Variants in MYT1 observed in about 807,000 individuals in gnomAD.
MYT1 encodes the protein myelin transcription factor I.
A neutral mutation model predicts 123.0 loss-of-function variants in MYT1; 23 were observed. The observed-to-expected ratio is 0.19, with a 90% CI of 0.13 to 0.26. MYT1 has a LOEUF of 0.26. Among genes scored for constraint, MYT1 ranks in the 10% least tolerant of loss-of-function variants. The pLI is 1.00. For missense variants in MYT1, 1,125 were observed against 1,472.5 expected (o/e 0.76, Z 3.86); for synonymous variants, 518 against 575.3 (o/e 0.90, Z 1.43).
intron 10 of MYT1, 110 bp from the exon 11 acceptor site, chr20:64,216,957 C>T (rs1271869959): frequency 3.9e-6 from 4 of 1,022,284 alleles, no homozygotes; most frequent in East Asian, 2.4e-5. Context: ...TCTCCTTCCT[C>T]ACCAGACGCT....
intron 1 of MYT1, among the ~76,000 whole-genome samples, chr20:64,170,948 C>G (rs1288351656): frequency 1.5e-5 from 2 of 131,920 alleles, no homozygotes; most frequent in Non-Finnish European, 3.2e-5. Flanking sequence ...GAGTCTTGCT[C>G]TGTTGGCCTG....
chr20:64,203,160 C>T lies in MYT1; in HGVS notation c.87-1875C>T, dbSNP rs755221071. On this transcript the variant is annotated intron_variant, in intron 4 of 22. Coordinates refer to ENST00000328439, the MANE Select transcript of MYT1 (RefSeq NM_004535.3). This position sits in a 1 kb window ranked among gnomAD's most constrained non-coding sequence, Gnocchi z 5.1. ...GTCTCACACCCTCTGAGGCTGGGGC[C>T]GGAAGGTGCAGGCCCACCTTCCTGG... is the stretch of plus-strand genomic sequence containing the variant. Among the ~76,000 whole-genome samples, 1 of 152,160 alleles carries T rather than the reference C, an allele frequency of 6.6e-6. No homozygotes were observed. The highest frequency in any genetic ancestry group is 1.5e-5 in the Non-Finnish European group (1 of 68,014).
chr20:64,200,787 A>G (rs868582219), intron 4 of MYT1, among the ~76,000 whole-genome samples: 1 of 152,202 alleles, frequency 6.6e-6, no homozygotes, highest in Non-Finnish European at 1.5e-5. Flanking sequence ...CGCATGTGCT[A>G]CTTGCTGGAA....
rs908293494 is a variant in MYT1 at position 64,202,404 on chromosome 20, C to T, written c.86+2482C>T. Among the ~76,000 whole-genome samples, 1 of 152,222 alleles carries T rather than the reference C, an allele frequency of 6.6e-6. No homozygotes were observed. The highest frequency in any genetic ancestry group is 2.4e-5 in the African/African-American group (1 of 41,470). ...GTTGTCACATGGCCTCAGACTGGCT[C>T]TGCCAGAGGCGAAGACTAGGGAAGG... On this transcript the variant is annotated intron_variant, in intron 4 of 22. Coordinates refer to ENST00000328439, the MANE Select transcript of MYT1 (RefSeq NM_004535.3). The surrounding 1 kb of genome is among the most constrained non-coding windows in gnomAD (Gnocchi z 5.0).
rs1984360341 is a variant in MYT1 at position 64,232,765 on chromosome 20, T to A, written c.2897+380T>A. On this transcript the variant is annotated intron_variant, in intron 19 of 22. Coordinates refer to ENST00000328439, the MANE Select transcript of MYT1 (RefSeq NM_004535.3). This position sits in a 1 kb window ranked among gnomAD's most constrained non-coding sequence, Gnocchi z 6.9. ...TTTGTCTCCTACACCTTATGCCCTG[T>A]CCCTCCCATTCATACCTTCTCAGGA... Among the ~76,000 whole-genome samples the A allele has an allele frequency of 6.6e-6, 1 of 151,776 alleles. No individual in the cohort carries two copies. The highest frequency in any genetic ancestry group is 1.5e-5 in the Non-Finnish European group (1 of 67,906).
rs1000607958 is a variant in MYT1, at chr20:64,232,780, C to A, written c.2897+395C>A. Among the ~76,000 whole-genome samples, 5 of 151,566 alleles carry A rather than the reference C, an allele frequency of 3.3e-5. No individual in the cohort carries two copies. Among genetic ancestry groups the A allele is most frequent in the Admixed American group, 2.6e-4 (4 of 15,196 alleles). ...TTATGCCCTGTCCCTCCCATTCATA[C>A]CTTCTCAGGAAAAGTTTGTCTCCTA... On this transcript the variant is annotated intron_variant, in intron 19 of 22. Coordinates refer to ENST00000328439, the MANE Select transcript of MYT1 (RefSeq NM_004535.3). This position sits in a 1 kb window ranked among gnomAD's most constrained non-coding sequence, Gnocchi z 6.9.
At chr20:64,226,687 C>T (rs1043462101) in intron 16 of MYT1, among the ~76,000 whole-genome samples, 3 of 152,218 alleles carry the variant, frequency 2.0e-5, no homozygotes, top group South Asian at 2.1e-4. Flanking sequence ...AAATAACATC[C>T]GTGCTTGTAA....
At chr20:64,181,334 C>G (rs1480065716) in intron 1 of MYT1, among the ~76,000 whole-genome samples, 1 of 152,042 alleles carries the variant, frequency 6.6e-6, no homozygotes, top group Non-Finnish European at 1.5e-5. Context: ...TCTTAATTCT[C>G]TCTTTCTGGA....
At chr20:64,211,145 G>C in intron 7 of MYT1, 61 bp from the exon 8 acceptor site, 5 of 1,564,038 alleles carry the variant, frequency 3.2e-6, no homozygotes, top group Non-Finnish European at 4.4e-6. Flanking sequence ...AGCTACCCCT[G>C]CCCCCTCTCT....
In MYT1 at chr20:64,170,882, TATAGAGAGAGAGAGAGAGAGAGAGAG is replaced by T. The variant is rs1171421930; in HGVS notation, c.-99+6145_-99+6170del. Among the ~76,000 whole-genome samples, 5 of 41,330 alleles carry T rather than the reference TATAGAGAGAGAGAGAGAGAGAGAGAG, an allele frequency of 1.2e-4. No individual in the cohort carries two copies. The Admixed American group carries it at 1.6e-3, about 13-fold the overall frequency. The allele number at this position is 41,330 out of a possible 152,430, so 27.1% of individuals were successfully genotyped here. A position where few individuals can be genotyped will look rare whatever the true frequency, so the allele number is the denominator to read the frequency against. ...ATATATATATATATATATATATATA[TATAGAGAGAGAGAGAGAGAGAGAGAG>T]AGAGAGAGAGAGAGAGAGAGAGAGA... On this transcript the variant is annotated intron_variant, in intron 1 of 22. Coordinates refer to ENST00000328439, the MANE Select transcript of MYT1 (RefSeq NM_004535.3).
chr20:64,173,004 CA>C (rs777940183), intron 1 of MYT1, among the ~76,000 whole-genome samples: 1 of 152,162 alleles, frequency 6.6e-6, no homozygotes, highest in Non-Finnish European at 1.5e-5. Context: ...GTTAGGATTA[CA>C]GGCTTGAGCC....
At chr20:64,204,234 A>G (rs991002648) in intron 4 of MYT1, among the ~76,000 whole-genome samples, 1 of 152,188 alleles carries the variant, frequency 6.6e-6, no homozygotes, top group East Asian at 1.9e-4. Flanking sequence ...CATGCTCAGA[A>G]GTTTCCAGAG....
intron 19 of MYT1, among the ~76,000 whole-genome samples, chr20:64,234,908 G>GTGGTGGGTGACCCTTGGCTGGCCA (rs1984458731): frequency 6.8e-6 from 1 of 146,130 alleles, no homozygotes; most frequent in Non-Finnish European, 1.5e-5. Flanking sequence ...TGGGCTGGTG[G>GTGGTGGGTGACCCTTGGCTGGCCA]TGGTGGGTGA....
chr20:64,179,465 T>A (rs1982575859), intron 1 of MYT1, among the ~76,000 whole-genome samples: 1 of 152,214 alleles, frequency 6.6e-6, no homozygotes, highest in South Asian at 2.1e-4. Context: ...AATAAATATT[T>A]GGGGGGAAGG....
At chr20:64,201,544 A>G (rs1178353543) in intron 4 of MYT1, among the ~76,000 whole-genome samples, 2 of 152,260 alleles carry the variant, frequency 1.3e-5, no homozygotes, top group African/African-American at 4.8e-5. Flanking sequence ...CACGGAAGGT[A>G]CCATTCATTC....
intron 2 of MYT1, among the ~76,000 whole-genome samples, chr20:64,197,271 G>A (rs1333842235): frequency 6.6e-6 from 1 of 152,188 alleles, no homozygotes; most frequent in Non-Finnish European, 1.5e-5. Flanking sequence ...CTGCTGCATG[G>A]GGGAGGTTCA....
chr20:64,217,359 G>A, intron 11 of MYT1, 78 bp downstream of exon 11: 1 of 1,497,572 alleles, frequency 6.7e-7, no homozygotes, highest in South Asian at 1.1e-5. Context: ...CAGTGGAGGA[G>A]GGACCCTCTC....
At position 64,193,797 on chromosome 20, in the gene MYT1, C is replaced by G. The variant is rs1273887412; in HGVS notation, c.-1+3637C>G. ...TTATGCAAGAGGCTCAACCGTCCCA[C>G]CGAGACACTATAACCTATGTAATTT... is the stretch of plus-strand genomic sequence containing the variant. On this transcript the variant is annotated intron_variant, in intron 2 of 22. Transcript: ENST00000328439. The surrounding 1 kb of genome is among the most constrained non-coding windows in gnomAD (Gnocchi z 4.0). 2.0e-5 allele frequency among the ~76,000 whole-genome samples: 3 copies of G among 152,206 alleles called. No homozygotes were observed. Among genetic ancestry groups the G allele is most frequent in the Non-Finnish European group, 4.4e-5 (3 of 68,040 alleles).
At chr20:64,197,138 G>A (rs1313005422) in intron 2 of MYT1, among the ~76,000 whole-genome samples, 1 of 152,218 alleles carries the variant, frequency 6.6e-6, no homozygotes, top group Non-Finnish European at 1.5e-5. Context: ...TCTATTGGAA[G>A]GCTGTAATAA....
Sources: allele counts gnomAD v4.1 joint callset (sites outside exome capture counted in the v4.1 genomes callset), GRCh38; gene constraint gnomAD v4.1.1; non-coding constraint Gnocchi (gnomAD v3.1); transcripts MANE v1.5; gene names NCBI Gene and HGNC (gene_info 2026-07-23, HGNC 2026-07-21).